The following HPCAL1 variants were observed in gnomAD, a reference collection of about 807,000 sequenced individuals.
HPCAL1 encodes the protein hippocalcin like 1, also known as hippocalcin-like protein 1.
A neutral mutation model predicts 17.1 loss-of-function variants in HPCAL1; 8 were observed. The observed-to-expected ratio is 0.47, with a 90% CI of 0.27 to 0.84. The LOEUF (loss-of-function observed/expected upper bound fraction) is 0.84, where lower values mean the gene tolerates loss of function less well. Among genes scored for constraint, HPCAL1 ranks in the 40% least tolerant of loss-of-function variants. The probability of loss-of-function intolerance (pLI) is 0.13; values close to 1 mark genes in which losing one functional copy is unlikely to be tolerated. For synonymous variants in HPCAL1, 112 were observed against 111.4 expected (o/e 1.01, Z -0.03); for missense variants, 165 against 271.1 (o/e 0.61, Z 2.75).
At chr2:10,378,233 T>C (rs1029603443) in intron 1 of HPCAL1, among the ~76,000 whole-genome samples, 1 of 150,102 alleles carries the variant, frequency 6.7e-6, no homozygotes, top group African/African-American at 2.5e-5. Flanking sequence ...GTTTTTTTTT[T>C]TTTTTTTTTT....
At chr2:10,347,524 C>T (rs768498856) in intron 1 of HPCAL1, among the ~76,000 whole-genome samples, 10 of 152,178 alleles carry the variant, frequency 6.6e-5, no homozygotes, top group Non-Finnish European at 1.5e-4. Context: ...CACTACTTCT[C>T]CTTTGGAAGT....
chr2:10,419,253 G>A lies in HPCAL1; in HGVS notation c.-24-481G>A, dbSNP rs1670878699. ...TAAACAAATAAAGAAGGTGGGTGGG[G>A]GTGACTCCCTGAAAGTTTCTAGACG... On this transcript the variant is annotated intron_variant, in intron 2 of 4. Coordinates refer to ENST00000307845, the MANE Select transcript of HPCAL1 (RefSeq NM_002149.4). This position sits in a 1 kb window ranked among gnomAD's most constrained non-coding sequence, Gnocchi z 5.0. 6.6e-6 allele frequency among the ~76,000 whole-genome samples: 1 copy of A among 151,944 alleles called. No homozygotes were observed. The highest frequency in any genetic ancestry group is 1.5e-5 in the Non-Finnish European group (1 of 67,982).
At chr2:10,321,256 A>C (rs967728158) in intron 1 of HPCAL1, among the ~76,000 whole-genome samples, 3 of 152,156 alleles carry the variant, frequency 2.0e-5, no homozygotes, top group Non-Finnish European at 4.4e-5. Flanking sequence ...AGAACTCACT[A>C]TCTCGAGGAC....
At chr2:10,400,063 C>T (rs1669498408) in intron 2 of HPCAL1, among the ~76,000 whole-genome samples, 1 of 152,194 alleles carries the variant, frequency 6.6e-6, no homozygotes, top group Non-Finnish European at 1.5e-5. Flanking sequence ...GGATAGAGTG[C>T]TTGGGGAAGG....
rs544334489 is a variant in HPCAL1, at chr2:10,365,706, C to T, written c.-110-31129C>T. Among the ~76,000 whole-genome samples the T allele has an allele frequency of 6.6e-6, 1 of 152,166 alleles. No homozygotes were observed. Among genetic ancestry groups the T allele is most frequent in the Non-Finnish European group, 1.5e-5 (1 of 68,032 alleles). On this transcript the variant is annotated intron_variant, in intron 1 of 4. Transcript: ENST00000307845. The surrounding 1 kb of genome is among the most constrained non-coding windows in gnomAD (Gnocchi z 4.8). The stretch of plus-strand genomic sequence containing the variant: ...TCCCCGCCCACCCTCCTTCAGGCTC[C>T]CTACACCCACCTGAGTGGGCCTTTC...
At chr2:10,305,679 A>C (rs1347361409) in intron 1 of HPCAL1, among the ~76,000 whole-genome samples, 1 of 151,990 alleles carries the variant, frequency 6.6e-6, no homozygotes, top group Non-Finnish European at 1.5e-5. Context: ...ATTTGCCCAA[A>C]CTCCAGCCAA....
Position 10,342,580 on chromosome 2 carries a change from G to A in HPCAL1, c.-111+39403G>A, listed in dbSNP as rs777070592. The stretch of plus-strand genomic sequence containing the variant: ...GCAGGATGCCAGACTTTTGGCAGGG[G>A]AGGAAATTGAGGTGAAAGCATTCCA... On this transcript the variant is annotated intron_variant, in intron 1 of 4. Transcript: ENST00000307845. This position sits in a 1 kb window ranked among gnomAD's most constrained non-coding sequence, Gnocchi z 4.1. Among the ~76,000 whole-genome samples the A allele has an allele frequency of 6.6e-6, 1 of 152,256 alleles. No homozygotes were observed. Among genetic ancestry groups the A allele is most frequent in the Non-Finnish European group, 1.5e-5 (1 of 68,052 alleles).
At chr2:10,407,524 G>A (rs894740251) in intron 2 of HPCAL1, among the ~76,000 whole-genome samples, 2 of 150,904 alleles carry the variant, frequency 1.3e-5, no homozygotes, top group Non-Finnish European at 1.5e-5. Flanking sequence ...TGGGGGTACA[G>A]TGGTGAACAA....
chr2:10,405,690 G>A (rs1427042736), intron 2 of HPCAL1, among the ~76,000 whole-genome samples: 3 of 152,220 alleles, frequency 2.0e-5, no homozygotes. Context: ...CAAGATGCCT[G>A]GGAGCTGGCA....
rs1348737323 is a variant in HPCAL1, at chr2:10,312,304, CCAT to C, written c.-111+9143_-111+9145del. On this transcript the variant is annotated intron_variant, in intron 1 of 4. Coordinates refer to ENST00000307845, the MANE Select transcript of HPCAL1 (RefSeq NM_002149.4). ...CTGTCATCATCACCTTTCTCCATCA[CCAT>C]CATCATCATCATCATATCATCATCA... is the stretch of plus-strand genomic sequence containing the variant. 1.6e-3 allele frequency among the ~76,000 whole-genome samples: 230 copies of C among 142,100 alleles called. 1 individual carries two copies. The highest frequency in any genetic ancestry group is 2.1e-3 in the Non-Finnish European group (139 of 65,842). 93.2% of individuals were successfully genotyped at this position (142,100 alleles called of 152,430 possible).
At chr2:10,373,779 TGCCATCTTCATGCAGTGGGAGGCTCA>T (rs1667376406) in intron 1 of HPCAL1, among the ~76,000 whole-genome samples, 2 of 152,194 alleles carry the variant, frequency 1.3e-5, no homozygotes, top group South Asian at 4.2e-4. Context: ...CAGAGGTTTA[TGCCATCTTCATGCAGTGGGAGGCTCA>T]GCCCCCACAC....
intron 2 of HPCAL1, among the ~76,000 whole-genome samples, chr2:10,398,404 C>A (rs1270583087): frequency 2.0e-5 from 3 of 152,248 alleles, no homozygotes; most frequent in Non-Finnish European, 4.4e-5. Context: ...GAAGGAACCA[C>A]CTTTGAATAC....
Position 10,369,377 on chromosome 2 carries a change from C to T in HPCAL1, c.-110-27458C>T, listed in dbSNP as rs117777750. Among the ~76,000 whole-genome samples, 1,061 of 152,308 alleles carry T rather than the reference C, an allele frequency of 7.0e-3. 42 individuals carry two copies. The highest frequency in any genetic ancestry group is 0.061 in the Admixed American group (936 of 15,298). On this transcript the variant is annotated intron_variant, in intron 1 of 4. Coordinates refer to ENST00000307845, the MANE Select transcript of HPCAL1 (RefSeq NM_002149.4). ...TCCTCCAGCCCTTGAGGAATTCTCTCGGGATTTTTTCTGGCCTTGCCTGTC... is the reference window on the plus strand; with the variant it reads ...TCCTCCAGCCCTTGAGGAATTCTCTTGGGATTTTTTCTGGCCTTGCCTGTC...
chr2:10,337,710 C>T (rs1664801620), intron 1 of HPCAL1, among the ~76,000 whole-genome samples: 1 of 152,168 alleles, frequency 6.6e-6, no homozygotes, highest in African/African-American at 2.4e-5. Flanking sequence ...TCCACTCTGG[C>T]CTTTGGAGGC....
In HPCAL1 at chr2:10,367,834, G is replaced by A. The variant is rs1666940688; in HGVS notation, c.-110-29001G>A. ...GGCCCTGGATCCCCACACAGTGTGG[G>A]GTGTTCAGGATTCCTCATGTGACCC... On this transcript the variant is annotated intron_variant, in intron 1 of 4. Coordinates refer to ENST00000307845, the MANE Select transcript of HPCAL1 (RefSeq NM_002149.4). The surrounding 1 kb of genome is among the most constrained non-coding windows in gnomAD (Gnocchi z 4.4). Among the ~76,000 whole-genome samples the A allele has an allele frequency of 6.6e-6, 1 of 152,122 alleles. No homozygotes were observed. Among genetic ancestry groups the A allele is most frequent in the Admixed American group, 6.5e-5 (1 of 15,270 alleles).
chr2:10,326,157 C>G (rs1388108175), intron 1 of HPCAL1, among the ~76,000 whole-genome samples: 2 of 152,158 alleles, frequency 1.3e-5, no homozygotes, highest in African/African-American at 4.8e-5. Context: ...CAAAGGCATC[C>G]CAGACAGAAT....
In HPCAL1 at chr2:10,419,731, C is replaced by T; in HGVS notation, c.-24-3C>T. The stretch of plus-strand genomic sequence containing the variant: ...CGTCCCCGGCTGACCCCCTGTCTTG[C>T]AGGTGTAGTCGCCGCCGCCAGCCGC... On this transcript the variant is annotated splice_polypyrimidine_tract_variant and splice_region_variant and intron_variant, in intron 2 of 4. Coordinates refer to ENST00000307845, the MANE Select transcript of HPCAL1 (RefSeq NM_002149.4). This position sits in a 1 kb window ranked among gnomAD's most constrained non-coding sequence, Gnocchi z 5.0. 2.5e-6 allele frequency: 4 copies of T among 1,590,072 alleles called. No homozygotes were observed. Among genetic ancestry groups the T allele is most frequent in the Non-Finnish European group, 3.4e-6 (4 of 1,167,446 alleles).
intron 4 of HPCAL1, chr2:10,423,316 C>T (rs1671187022): frequency 1.8e-6 from 1 of 545,450 alleles, no homozygotes; most frequent in Non-Finnish European, 3.4e-6. Flanking sequence ...CATGTTGTGG[C>T]CTCTCTGAGC....
intron 1 of HPCAL1, among the ~76,000 whole-genome samples, chr2:10,349,989 T>A (rs17487077): frequency 0.2 from 29,681 of 152,054 alleles, 3,170 homozygotes; most frequent in African/African-American, 0.25. Flanking sequence ...ATACCACTGA[T>A]ATTATACAGT....
Sources: gnomAD v4.1 joint callset for allele counts (sites outside exome capture counted in the v4.1 genomes callset) on GRCh38, gnomAD v4.1.1 for gene constraint, Gnocchi (gnomAD v3.1) non-coding constraint, MANE v1.5 for transcripts, NCBI Gene and HGNC (gene_info 2026-07-23, HGNC 2026-07-21) for gene names.